Variants in LRRTM4 observed in about 807,000 individuals in gnomAD.
LRRTM4 encodes the protein leucine-rich repeat transmembrane neuronal protein 4.
In LRRTM4, 25 loss-of-function variants were observed where a neutral mutation model predicts 47.6. The ratio of observed to expected loss-of-function variants is 0.53; its 90% CI spans 0.38 to 0.73. LRRTM4 has a LOEUF of 0.73. Among genes scored for constraint, LRRTM4 ranks in the 30% least tolerant of loss-of-function variants. The pLI, the probability that LRRTM4 is intolerant of heterozygous loss-of-function variation, is 0.00. For synonymous variants in LRRTM4, 311 were observed against 269.5 expected, an observed-to-expected ratio of 1.15 and a Z score of -1.51; for missense variants, 638 against 713.4, an observed-to-expected ratio of 0.89 and a Z score of 1.20.
chr2:77,262,786 C>G (rs530732773), intron 3 of LRRTM4, among the ~76,000 whole-genome samples: 1 of 151,828 alleles, frequency 6.6e-6, no homozygotes, highest in African/African-American at 2.4e-5. Context: ...TGCAATATTG[C>G]GACTTATATA....
intron 3 of LRRTM4, among the ~76,000 whole-genome samples, chr2:77,067,396 T>C (rs1255568092): frequency 6.6e-6 from 1 of 151,740 alleles, no homozygotes; most frequent in South Asian, 2.1e-4. Context: ...ACTAAGCTGG[T>C]CAACAACAAC....
intron 3 of LRRTM4, among the ~76,000 whole-genome samples, chr2:76,812,955 C>T (rs760942933): frequency 4.0e-5 from 6 of 151,650 alleles, no homozygotes; most frequent in Non-Finnish European, 5.9e-5. Flanking sequence ...CCCATTTTCT[C>T]TAAAAAAAAG....
At chr2:76,857,538 C>T (rs1295845780) in intron 3 of LRRTM4, among the ~76,000 whole-genome samples, 1 of 151,686 alleles carries the variant, frequency 6.6e-6, no homozygotes, top group Non-Finnish European at 1.5e-5. Flanking sequence ...CAACACTAAC[C>T]CCCTCATTGT....
intron 3 of LRRTM4, among the ~76,000 whole-genome samples, chr2:77,053,514 A>C (rs1022041637): frequency 1.1e-4 from 16 of 152,180 alleles, no homozygotes; most frequent in Non-Finnish European, 2.2e-4. Flanking sequence ...ACTACATTTA[A>C]AGTTTGCTTT....
chr2:77,091,846 A>C, intron 3 of LRRTM4, among the ~76,000 whole-genome samples: 1 of 147,452 alleles, frequency 6.8e-6, no homozygotes, highest in South Asian at 2.2e-4. Context: ...TCTCCCTGCC[A>C]ATCGTGTCCA....
chr2:77,393,348 G>T (rs1207127801), intron 3 of LRRTM4, among the ~76,000 whole-genome samples: 1 of 151,914 alleles, frequency 6.6e-6, no homozygotes, highest in Non-Finnish European at 1.5e-5. Context: ...TTCGACAACT[G>T]TTATAAAGTG....
chr2:76,934,018 C>T (rs945209422), intron 3 of LRRTM4, among the ~76,000 whole-genome samples: 3 of 152,074 alleles, frequency 2.0e-5, no homozygotes, highest in African/African-American at 4.8e-5. Flanking sequence ...GTGGCTAAGA[C>T]GTCGATAACA....
intron 3 of LRRTM4, among the ~76,000 whole-genome samples, chr2:76,868,212 A>G (rs1395488754): frequency 6.6e-6 from 1 of 152,232 alleles, no homozygotes; most frequent in African/African-American, 2.4e-5. Context: ...ATTTCCATCC[A>G]AAAATCTCAA....
At chr2:77,189,031 A>C (rs1337873934) in intron 3 of LRRTM4, among the ~76,000 whole-genome samples, 1 of 152,192 alleles carries the variant, frequency 6.6e-6, no homozygotes, top group Non-Finnish European at 1.5e-5. Context: ...TAATAAGTGG[A>C]AGATGGTGGA....
intron 3 of LRRTM4, among the ~76,000 whole-genome samples, chr2:76,802,751 G>C (rs780004829): frequency 2.0e-5 from 3 of 152,032 alleles, no homozygotes; most frequent in Non-Finnish European, 4.4e-5. Context: ...CACAATACTG[G>C]TATTAAAAAC....
At chr2:77,166,607 G>T (rs1297132146) in intron 3 of LRRTM4, among the ~76,000 whole-genome samples, 1 of 152,028 alleles carries the variant, frequency 6.6e-6, no homozygotes, top group Non-Finnish European at 1.5e-5. Flanking sequence ...CCAAAACAGA[G>T]ATATAGACCA....
intron 3 of LRRTM4, among the ~76,000 whole-genome samples, chr2:77,461,456 T>G (rs539240548): frequency 1.6e-4 from 25 of 152,192 alleles, no homozygotes; most frequent in African/African-American, 5.5e-4. Flanking sequence ...TGGAAGAGAT[T>G]AAAAACTTCC....
intron 3 of LRRTM4, among the ~76,000 whole-genome samples, chr2:76,787,671 G>A (rs1223245785): frequency 6.6e-6 from 1 of 151,972 alleles, no homozygotes; most frequent in Non-Finnish European, 1.5e-5. Context: ...GGGGAGTTTT[G>A]CATTGACTAC....
chr2:77,271,906 T>C (rs1676210021), intron 3 of LRRTM4, among the ~76,000 whole-genome samples: 1 of 152,156 alleles, frequency 6.6e-6, no homozygotes, highest in East Asian at 1.9e-4. Flanking sequence ...CACAGGTAGT[T>C]CAAACATAAG....
Position 77,465,941 on chromosome 2 carries a change from C to T in LRRTM4, c.1551+52377G>A, listed in dbSNP as rs1428071468. On this transcript the variant is annotated intron_variant, in intron 3 of 3. Coordinates refer to ENST00000409884, the MANE Select transcript of LRRTM4 (RefSeq NM_001134745.3). ...GTAATGATAAAAGCAGCAGGCTTCT[C>T]AAATGCAATATGGACTGTTTTTCCT... 7.9e-3 allele frequency among the ~76,000 whole-genome samples: 1,204 copies of T among 152,242 alleles called. 5 individuals are homozygous for T. The highest frequency in any genetic ancestry group is 0.012 in the Non-Finnish European group (788 of 68,012).
At chr2:77,222,104 C>T (rs1347499097) in intron 3 of LRRTM4, among the ~76,000 whole-genome samples, 1 of 152,144 alleles carries the variant, frequency 6.6e-6, no homozygotes, top group Non-Finnish European at 1.5e-5. Flanking sequence ...TCCTGAATGA[C>T]TACTGGGTAC....
chr2:77,130,750 A>T (rs1671773637), intron 3 of LRRTM4, among the ~76,000 whole-genome samples: 1 of 147,008 alleles, frequency 6.8e-6, no homozygotes, highest in East Asian at 2.0e-4. Flanking sequence ...TGACCTCATG[A>T]TCCGCCCACC....
intron 3 of LRRTM4, among the ~76,000 whole-genome samples, chr2:76,820,475 AGAATC>A (rs373408144): frequency 9.0e-4 from 137 of 151,946 alleles, no homozygotes; most frequent in African/African-American, 3.2e-3. Context: ...AGGCAAAACA[AGAATC>A]TAAGATAAAT....
chr2:77,293,970 A>C (rs980789269), intron 3 of LRRTM4, among the ~76,000 whole-genome samples: 1 of 152,140 alleles, frequency 6.6e-6, no homozygotes, highest in African/African-American at 2.4e-5. Context: ...AAGTCATTGA[A>C]ATAAGGTTTT....
Sources: gnomAD v4.1 joint callset for allele counts (sites outside exome capture counted in the v4.1 genomes callset) on GRCh38, gnomAD v4.1.1 for gene constraint, MANE v1.5 for transcripts, NCBI Gene and HGNC (gene_info 2026-07-23, HGNC 2026-07-21) for gene names.